The following CPA6 variants were observed in gnomAD, a reference collection of about 807,000 sequenced individuals.
CPA6 encodes carboxypeptidase A6.
A neutral mutation model predicts 63.3 loss-of-function variants in CPA6; 58 were observed. That is an observed-to-expected ratio of 0.92 (90% confidence interval 0.74 to 1.14). The LOEUF is 1.14. Ranked by LOEUF, CPA6 falls within the 50% of genes most tolerant of loss-of-function variation. The pLI, the probability that CPA6 is intolerant of heterozygous loss-of-function variation, is 0.00. For synonymous variants in CPA6, 185 were observed against 179.0 expected, an observed-to-expected ratio of 1.03 and a Z score of -0.27; for missense variants, 565 against 526.6, an observed-to-expected ratio of 1.07 and a Z score of -0.71.
intron 6 of CPA6, among the ~76,000 whole-genome samples, chr8:67,497,829 T>A (rs889695337): frequency 2.6e-5 from 4 of 152,064 alleles, no homozygotes; most frequent in African/African-American, 9.7e-5. Context: ...ATAGCTGGGA[T>A]TACAGGCATG....
intron 1 of CPA6, among the ~76,000 whole-genome samples, chr8:67,710,936 T>C (rs563540406): frequency 2.0e-4 from 31 of 152,324 alleles, no homozygotes; most frequent in African/African-American, 6.5e-4. Context: ...ACCATTGTCT[T>C]AGTAATAAAA....
chr8:67,436,251 G>C (rs1196299330), intron 8 of CPA6, among the ~76,000 whole-genome samples: 2 of 152,080 alleles, frequency 1.3e-5, no homozygotes, highest in Non-Finnish European at 2.9e-5. Flanking sequence ...AGGCGAAGCC[G>C]ATGTCCCTGT....
intron 8 of CPA6, among the ~76,000 whole-genome samples, chr8:67,459,866 A>C (rs1810761087): frequency 6.6e-6 from 1 of 152,178 alleles, no homozygotes; most frequent in Admixed American, 6.5e-5. Flanking sequence ...GTTTTTATCC[A>C]TTGTAATACA....
intron 1 of CPA6, among the ~76,000 whole-genome samples, chr8:67,742,246 C>G (rs1817927377): frequency 6.6e-6 from 1 of 152,136 alleles, no homozygotes; most frequent in Admixed American, 6.5e-5. Flanking sequence ...GGTGACTCAT[C>G]ATCACCCTAG....
At chr8:67,678,860 A>G (rs1474700083) in intron 1 of CPA6, among the ~76,000 whole-genome samples, 3 of 152,250 alleles carry the variant, frequency 2.0e-5, no homozygotes, top group African/African-American at 7.2e-5. Flanking sequence ...ATGTCTACCA[A>G]GATTAGAATA....
chr8:67,589,879 AT>A (rs1564013078), intron 2 of CPA6, among the ~76,000 whole-genome samples: 4 of 148,290 alleles, frequency 2.7e-5, no homozygotes, highest in Admixed American at 2.7e-4. Context: ...TGTTGTTTTT[AT>A]TATTATTATT....
intron 2 of CPA6, among the ~76,000 whole-genome samples, chr8:67,595,124 T>C (rs965794643): frequency 1.3e-5 from 2 of 152,342 alleles, no homozygotes; most frequent in East Asian, 3.9e-4. Flanking sequence ...TGCAGGTCTG[T>C]TGGAGTTTGC....
intron 2 of CPA6, among the ~76,000 whole-genome samples, chr8:67,607,179 T>TCTTCTC (rs1490954005): frequency 7.1e-5 from 1 of 14,058 alleles, no homozygotes; most frequent in Non-Finnish European, 1.3e-4. Flanking sequence ...CTCTTCTTCT[T>TCTTCTC]CTTCTTCTTC....
At chr8:67,563,384 G>A (rs188732319) in intron 2 of CPA6, among the ~76,000 whole-genome samples, 1 of 152,264 alleles carries the variant, frequency 6.6e-6, no homozygotes, top group African/African-American at 2.4e-5. Flanking sequence ...TGTATTAAGT[G>A]AGATCATATA....
chr8:67,563,024 G>C lies in CPA6; in HGVS notation c.193-44977C>G, dbSNP rs13258655. 5.3e-3 allele frequency among the ~76,000 whole-genome samples: 801 copies of C among 152,048 alleles called. 4 individuals are homozygous for C. The highest frequency in any genetic ancestry group is 0.016 in the African/African-American group (664 of 41,484). The stretch of plus-strand genomic sequence containing the variant: ...GATCGTAAGCTCTTCCAGGGCAGAT[G>C]ATGGGTCTCCATAGCAATGATCACT... On this transcript the variant is annotated intron_variant, in intron 2 of 10. Transcript: ENST00000297770.
intron 1 of CPA6, among the ~76,000 whole-genome samples, chr8:67,741,567 T>G (rs1817913091): frequency 6.6e-6 from 1 of 152,192 alleles, no homozygotes; most frequent in Non-Finnish European, 1.5e-5. Context: ...TTGCTTGCAT[T>G]TCTGCCTGAG....
intron 2 of CPA6, among the ~76,000 whole-genome samples, chr8:67,604,082 G>C (rs1432832809): frequency 6.6e-6 from 1 of 152,116 alleles, no homozygotes; most frequent in African/African-American, 2.4e-5. Flanking sequence ...GGTTGTGTGG[G>C]GTTAAGGTAA....
intron 1 of CPA6, among the ~76,000 whole-genome samples, chr8:67,743,381 T>A (rs936133258): frequency 1.3e-5 from 2 of 152,136 alleles, no homozygotes; most frequent in African/African-American, 4.8e-5. Context: ...ATGGGGTACA[T>A]GAGATGTTTT....
chr8:67,589,623 T>C (rs1355946026), intron 2 of CPA6, among the ~76,000 whole-genome samples: 1 of 152,194 alleles, frequency 6.6e-6, no homozygotes, highest in African/African-American at 2.4e-5. Flanking sequence ...AAGGAGATAC[T>C]GATAAAGAAT....
intron 8 of CPA6, among the ~76,000 whole-genome samples, chr8:67,474,534 T>C (rs1477034242): frequency 6.6e-6 from 1 of 152,166 alleles, no homozygotes; most frequent in Admixed American, 6.6e-5. Context: ...GCTTTTATCT[T>C]TTTGGCCTCA....
At chr8:67,547,560 C>T (rs544877229) in intron 2 of CPA6, among the ~76,000 whole-genome samples, 15 of 149,616 alleles carry the variant, frequency 1.0e-4, no homozygotes, top group South Asian at 2.1e-4. Context: ...TGCAGTGGTG[C>T]GATAATGGCT....
chr8:67,515,868 T>G (rs556196773), intron 3 of CPA6, among the ~76,000 whole-genome samples: 3 of 152,296 alleles, frequency 2.0e-5, no homozygotes, highest in African/African-American at 7.2e-5. Context: ...CTACTCACAT[T>G]TTGTCAGAAC....
intron 6 of CPA6, among the ~76,000 whole-genome samples, chr8:67,496,919 A>G (rs994478039): frequency 2.0e-5 from 3 of 151,994 alleles, no homozygotes; most frequent in Non-Finnish European, 4.4e-5. Flanking sequence ...CCCTAATCCT[A>G]TCCTCTTCCC....
intron 8 of CPA6, among the ~76,000 whole-genome samples, chr8:67,438,806 C>A (rs541486183): frequency 3.2e-4 from 48 of 151,718 alleles, no homozygotes; most frequent in African/African-American, 1.1e-3. Flanking sequence ...CAAAAGCATG[C>A]TAAATTGTTG....
Sources: allele counts gnomAD v4.1 joint callset (sites outside exome capture counted in the v4.1 genomes callset), GRCh38; gene constraint gnomAD v4.1.1; transcripts MANE v1.5; gene names NCBI Gene and HGNC (gene_info 2026-07-23, HGNC 2026-07-21).